The following NSF variants were observed in gnomAD, a reference collection of about 807,000 sequenced individuals.
NSF encodes N-ethylmaleimide sensitive factor, vesicle fusing ATPase, also known as vesicle-fusing ATPase.
In NSF, 14 loss-of-function variants were observed where a neutral mutation model predicts 50.3. The ratio of observed to expected loss-of-function variants is 0.28; its 90% CI spans 0.18 to 0.44. The LOEUF (loss-of-function observed/expected upper bound fraction) is 0.44. Among genes scored for constraint, NSF ranks in the 20% least tolerant of loss-of-function variants. The pLI is 1.00. For synonymous variants in NSF, 109 were observed against 175.7 expected, an observed-to-expected ratio of 0.62 and a Z score of 3.00; for missense variants, 218 against 504.3, an observed-to-expected ratio of 0.43 and a Z score of 5.44.
chr17:46,725,606 T>C (rs1189108826), intron 15 of NSF, among the ~76,000 whole-genome samples: 2 of 152,196 alleles, frequency 1.3e-5, no homozygotes, highest in East Asian at 3.8e-4. Flanking sequence ...GTTAATATCA[T>C]GAGTTTGACT....
At chr17:46,750,008 C>T in intron 18 of NSF, 101 bp downstream of exon 18, 1 of 1,322,950 alleles carries the variant, frequency 7.6e-7, no homozygotes, top group South Asian at 1.4e-5. Context: ...TTATGCTAAT[C>T]TGGAACATGG....
rs1165410119 is a variant in NSF at position 46,609,945 on chromosome 17, C to T, written c.13-14299C>T. On this transcript the variant is annotated intron_variant, in intron 1 of 20. Transcript: ENST00000398238. The stretch of plus-strand genomic sequence containing the variant: ...GGCTCAAACCTCTCACCTCAGCCCC[C>T]TGAATAACGGGGATTACTGATTTGT... Among the ~76,000 whole-genome samples the T allele has an allele frequency of 2.1e-5, 3 of 143,986 alleles. 1 individual carries two copies. Among genetic ancestry groups the T allele is most frequent in the African/African-American group, 7.6e-5 (3 of 39,362 alleles). 94.5% of individuals were successfully genotyped at this position (143,986 alleles called of 152,430 possible).
intron 16 of NSF, among the ~76,000 whole-genome samples, 166 bp downstream of exon 16, chr17:46,726,781 T>C (rs1295873775): frequency 1.3e-5 from 2 of 152,220 alleles, no homozygotes; most frequent in East Asian, 3.8e-4. Context: ...CTGACATCAA[T>C]GATAGTATTC....
In NSF at chr17:46,696,438, T is replaced by G. The variant is rs1426132873; in HGVS notation, c.1374+1776T>G. Among the ~76,000 whole-genome samples, 5 of 137,754 alleles carry G rather than the reference T, an allele frequency of 3.6e-5. 1 individual carries two copies. The Admixed American group carries it at 3.8e-4, about 11-fold the overall frequency. The allele number at this position is 137,754 out of a possible 152,430, so 90.4% of individuals were successfully genotyped here. A position where few individuals can be genotyped will look rare whatever the true frequency, so the allele number is the denominator to read the frequency against. On this transcript the variant is annotated intron_variant, in intron 12 of 20. Transcript: ENST00000398238. ...ACTCATGTCAGATATGGTCAACTTGTGGGGTGAGAGAAACCTTCATATGCA... is the reference window on the plus strand; with the variant it reads ...ACTCATGTCAGATATGGTCAACTTGGGGGGTGAGAGAAACCTTCATATGCA...
intron 9 of NSF, among the ~76,000 whole-genome samples, chr17:46,685,346 A>G (rs1598679969): frequency 6.6e-6 from 1 of 150,796 alleles, no homozygotes; most frequent in East Asian, 2.0e-4. Context: ...CTTTTCAGTT[A>G]TACCTTTCTC....
Position 46,755,934 on chromosome 17 carries a change from C to G in NSF, c.*111C>G. 9.8e-7 allele frequency: 1 copy of G among 1,019,738 alleles called. No homozygotes were observed. The highest frequency in any genetic ancestry group is 1.5e-6 in the Non-Finnish European group (1 of 676,204). The allele number at this position is 1,019,738 out of a possible 1,614,324, so 63.2% of individuals were successfully genotyped here. ...CTGGACTAAGTGGAACGTTCTCTAC[C>G]TTCAACATGTGCTCGCTCTGCATGA... On this transcript the variant is annotated 3_prime_UTR_variant, in exon 21 of 21. Coordinates refer to ENST00000398238, the MANE Select transcript of NSF (RefSeq NM_006178.4).
At chr17:46,741,813 C>A (rs2059074725) in intron 17 of NSF, among the ~76,000 whole-genome samples, 1 of 152,152 alleles carries the variant, frequency 6.6e-6, no homozygotes, top group Admixed American at 6.5e-5. Context: ...GTTGCCCAGG[C>A]TGGAGTGCAG....
intron 17 of NSF, among the ~76,000 whole-genome samples, chr17:46,739,230 G>T (rs893991011): frequency 1.3e-5 from 2 of 152,060 alleles, no homozygotes; most frequent in Non-Finnish European, 2.9e-5. Context: ...AATTAGCCAG[G>T]CATGGTGACA....
intron 13 of NSF, among the ~76,000 whole-genome samples, chr17:46,707,302 C>A (rs1022274718): frequency 6.6e-6 from 1 of 152,144 alleles, no homozygotes; most frequent in African/African-American, 2.4e-5. Context: ...AGTCTTTTGC[C>A]TGTTTTTCTG....
chr17:46,731,530 G>C (rs73987013), intron 17 of NSF, among the ~76,000 whole-genome samples: 7,022 of 152,220 alleles, frequency 0.046, 525 homozygotes, highest in African/African-American at 0.16. Flanking sequence ...TTTAGAAGTG[G>C]TTTAGGAGCT....
intron 17 of NSF, among the ~76,000 whole-genome samples, chr17:46,741,626 CAA>C (rs1675941361): frequency 6.6e-6 from 1 of 151,966 alleles, no homozygotes; most frequent in Admixed American, 6.6e-5. Context: ...GGCATTTAAA[CAA>C]GAGAAATCAG....
At position 46,709,017 on chromosome 17, in the gene NSF, G is replaced by T. The variant is rs1357071345; in HGVS notation, c.1471-1946G>T. 1.1e-4 allele frequency among the ~76,000 whole-genome samples: 17 copies of T among 151,122 alleles called. No homozygotes were observed. In the East Asian group the frequency reaches 3.1e-3, roughly 28 times the overall value. On this transcript the variant is annotated intron_variant, in intron 13 of 20. Transcript: ENST00000398238. The stretch of plus-strand genomic sequence containing the variant: ...TTTTTGTATTTTTAGTAGAGACGAG[G>T]TTTCACTTTGTTGGCCAGGATGGTC...
At chr17:46,671,887 G>A (rs1469560000) in intron 8 of NSF, among the ~76,000 whole-genome samples, 1 of 144,560 alleles carries the variant, frequency 6.9e-6, no homozygotes, top group East Asian at 1.9e-4. Context: ...TCTTGCAAAT[G>A]TATTTTTTTT....
At chr17:46,746,220 A>C (rs187166669) in intron 17 of NSF, among the ~76,000 whole-genome samples, 1 of 152,224 alleles carries the variant, frequency 6.6e-6, no homozygotes, top group Non-Finnish European at 1.5e-5. Context: ...AATAATAATA[A>C]TGATTACCCT....
intron 17 of NSF, 35 bp downstream of exon 17, chr17:46,728,969 A>G (rs377523999): frequency 6.5e-5 from 85 of 1,307,382 alleles, no homozygotes; most frequent in Non-Finnish European, 8.7e-5. Flanking sequence ...ATATTTTAAC[A>G]AAGAGTTTTT....
chr17:46,737,483 A>T (rs2146312896), intron 17 of NSF, among the ~76,000 whole-genome samples: 1 of 152,032 alleles, frequency 6.6e-6, no homozygotes, highest in East Asian at 1.9e-4. Flanking sequence ...AGCTCATACG[A>T]GGTGCTGGGG....
chr17:46,613,324 T>C (rs1341312384), intron 1 of NSF, among the ~76,000 whole-genome samples: 1 of 2,446 alleles, frequency 4.1e-4, no homozygotes, highest in African/African-American at 1.1e-3. Flanking sequence ...AGTATACATT[T>C]TAAATGATTA....
At chr17:46,734,624 G>A (rs2058982320) in intron 17 of NSF, among the ~76,000 whole-genome samples, 1 of 152,160 alleles carries the variant, frequency 6.6e-6, no homozygotes, top group Non-Finnish European at 1.5e-5. Context: ...GAAAGATAAT[G>A]TATAGTGAAT....
At chr17:46,610,031 C>CTTTCTT (rs1568013908) in intron 1 of NSF, among the ~76,000 whole-genome samples, 3 of 69,872 alleles carry the variant, frequency 4.3e-5, no homozygotes, top group African/African-American at 1.3e-4. Flanking sequence ...CTTTCTTTCT[C>CTTTCTT]TCTCTCTCTC....
Sources: allele counts gnomAD v4.1 joint callset (sites outside exome capture counted in the v4.1 genomes callset), GRCh38; gene constraint gnomAD v4.1.1; transcripts MANE v1.5; gene names NCBI Gene and HGNC (gene_info 2026-07-23, HGNC 2026-07-21).